CHD1L: variants seen among roughly 807,000 people sequenced by gnomAD.
CHD1L encodes the protein chromodomain helicase DNA binding protein 1 like.
A neutral mutation model predicts 115.9 loss-of-function variants in CHD1L; 118 were observed. That is an observed-to-expected ratio of 1.02 (90% CI 0.88 to 1.19). The LOEUF (loss-of-function observed/expected upper bound fraction) is 1.19, where lower values mean the gene tolerates loss of function less well. Among genes scored for constraint, CHD1L ranks in the 50% most tolerant of loss-of-function variants. CHD1L has a pLI of 0.00. For synonymous variants in CHD1L, 411 were observed against 387.1 expected, an observed-to-expected ratio of 1.06 and a Z score of -0.72; for missense variants, 1,179 against 1,065.3, an observed-to-expected ratio of 1.11 and a Z score of -1.49.
At chr1:147,274,593 G>A (rs188751297) in intron 12 of CHD1L, among the ~76,000 whole-genome samples, 20 of 151,564 alleles carry the variant, frequency 1.3e-4, no homozygotes, top group Non-Finnish European at 2.1e-4. Flanking sequence ...TAATCAAAGA[G>A]AAGGCTGCAA....
At chr1:147,274,997 G>C (rs1677784845) in intron 12 of CHD1L, among the ~76,000 whole-genome samples, 1 of 152,192 alleles carries the variant, frequency 6.6e-6, no homozygotes, top group South Asian at 2.1e-4. Flanking sequence ...TTCTGAAAGA[G>C]CATGTGTCCT....
intron 12 of CHD1L, among the ~76,000 whole-genome samples, chr1:147,274,529 A>G (rs1274448586): frequency 6.6e-6 from 1 of 152,166 alleles, no homozygotes; most frequent in Non-Finnish European, 1.5e-5. Context: ...TGTTTCAGCA[A>G]CCAGCTCTAA....
At chr1:147,220,089 C>T in the CHD1L span, among the ~76,000 whole-genome samples, 4 of 152,212 alleles carry the variant, frequency 2.6e-5, no homozygotes, top group South Asian at 2.1e-4. Context: ...CCACCCACCT[C>T]GGCCTCCCAA....
In CHD1L at chr1:147,294,403, T is replaced by C. The variant is rs1553974317; in HGVS notation, c.2507-6T>C. On this transcript the variant is annotated splice_polypyrimidine_tract_variant and splice_region_variant and intron_variant, in intron 21 of 22. Transcript: ENST00000369258. ...GTGAAGACATGTGTTCTTCTCTTCA[T>C]AATAGCAAGTGTTCATCTTCCACGT... The C allele has an allele frequency of 3.1e-6, 5 of 1,606,260 alleles. No homozygotes were observed. The highest frequency in any genetic ancestry group is 4.3e-6 in the Non-Finnish European group (5 of 1,175,680).
chr1:147,244,449 A>C (rs1283796174), intron 1 of CHD1L, among the ~76,000 whole-genome samples: 1 of 150,318 alleles, frequency 6.7e-6, no homozygotes, highest in Non-Finnish European at 1.5e-5. Context: ...GTTATGAGAA[A>C]CTATTCTTCA....
the CHD1L span, among the ~76,000 whole-genome samples, chr1:147,233,990 C>T: frequency 1.3e-5 from 2 of 152,160 alleles, no homozygotes; most frequent in African/African-American, 4.8e-5. Flanking sequence ...CTAGGAAAAC[C>T]AGAGACCTTT....
the CHD1L span, among the ~76,000 whole-genome samples, chr1:147,189,820 C>G: frequency 1.3e-5 from 2 of 152,298 alleles, no homozygotes; most frequent in Non-Finnish European, 2.9e-5. Context: ...ACCTCTCATT[C>G]ATTTACTGTC....
chr1:147,216,760 TTG>T, the CHD1L span, among the ~76,000 whole-genome samples: 1 of 150,272 alleles, frequency 6.7e-6, no homozygotes, highest in Admixed American at 6.6e-5. Flanking sequence ...CCTTGAGAGA[TTG>T]TGTTAGAAAT....
At chr1:147,206,237 G>A in the CHD1L span, among the ~76,000 whole-genome samples, 2 of 150,948 alleles carry the variant, frequency 1.3e-5, no homozygotes, top group Non-Finnish European at 2.9e-5. Context: ...ACACCAGTTA[G>A]AATGGCGATC....
intron 12 of CHD1L, among the ~76,000 whole-genome samples, chr1:147,273,780 CA>C (rs1395963145): frequency 6.6e-6 from 1 of 152,048 alleles, no homozygotes; most frequent in Non-Finnish European, 1.5e-5. Flanking sequence ...CAGTCCTGGA[CA>C]TTAGTCTTCT....
the CHD1L span, among the ~76,000 whole-genome samples, chr1:147,182,067 C>T: frequency 2.0e-5 from 3 of 152,156 alleles, no homozygotes; most frequent in Non-Finnish European, 2.9e-5. Flanking sequence ...GATCACATAA[C>T]TAAAAGGCCA....
At chr1:147,242,674 G>C (rs1665056602), upstream of CHD1L, 2 of 1,264,326 alleles carry the variant, frequency 1.6e-6, no homozygotes, top group Middle Eastern at 3.0e-4. Context: ...TGCGCGCTTG[G>C]CCGCGCGGGG....
chr1:147,294,401 C>T lies in CHD1L; in HGVS notation c.2507-8C>T. On this transcript the variant is annotated splice_polypyrimidine_tract_variant and splice_region_variant and intron_variant, in intron 21 of 22. Coordinates refer to ENST00000369258, the MANE Select transcript of CHD1L (RefSeq NM_004284.6). Reference sequence around the variant, plus strand: ...GAGTGAAGACATGTGTTCTTCTCTTCATAATAGCAAGTGTTCATCTTCCAC... The same window carrying T: ...GAGTGAAGACATGTGTTCTTCTCTTTATAATAGCAAGTGTTCATCTTCCAC... 6.2e-7 allele frequency: 1 copy of T among 1,604,512 alleles called. No homozygotes were observed. The highest frequency in any genetic ancestry group is 8.5e-7 in the Non-Finnish European group (1 of 1,174,470).
the CHD1L span, chr1:147,224,457 A>C: frequency 1.0e-4 from 16 of 159,466 alleles, no homozygotes; most frequent in Non-Finnish European, 1.8e-4. Context: ...GTCAGTTTGG[A>C]GATCAATAAA....
chr1:147,275,377 G>A lies in CHD1L; in HGVS notation c.1294G>A (p.Ala432Thr). The A allele has an allele frequency of 6.2e-7, 1 of 1,614,006 alleles. No homozygotes were observed. Among genetic ancestry groups the A allele is most frequent in the Non-Finnish European group, 8.5e-7 (1 of 1,179,862 alleles). Reference protein sequence around the residue: ...RAGGVGMNLTAADTVIFVDSD... With the variant: ...RAGGVGMNLTTADTVIFVDSD... ...AGGTGGAGTTGGCATGAACTTAACA[G>A]CAGCAGATACTGTGATTTTTGTTGA... The change falls in exon 13 of 23, where the codon GCA becomes ACA. Residue 432 changes from alanine to threonine, a missense_variant. Coordinates refer to ENST00000369258, the MANE Select transcript of CHD1L (RefSeq NM_004284.6).
chr1:147,187,125 C>T, the CHD1L span: 1 of 1,614,082 alleles, frequency 6.2e-7, no homozygotes, highest in Non-Finnish European at 8.5e-7. Flanking sequence ...AGTGTAATGC[C>T]AGCTTGGGGT....
At chr1:147,265,911 G>C (rs751481282) in intron 7 of CHD1L, 21 bp from the exon 8 acceptor site, 1 of 1,594,390 alleles carries the variant, frequency 6.3e-7, no homozygotes, top group Non-Finnish European at 8.5e-7. Flanking sequence ...CACACTTCTT[G>C]TATTTTTTTT....
In CHD1L at chr1:147,280,167, G is replaced by A; in HGVS notation, c.1681G>A (p.Gly561Arg). 6.2e-7 allele frequency: 1 copy of A among 1,608,772 alleles called. No individual in the cohort carries two copies. The highest frequency in any genetic ancestry group is 8.5e-7 in the Non-Finnish European group (1 of 1,177,636). The stretch of plus-strand genomic sequence containing the variant: ...TGATGCCTTGCCTGCAGCAGAAGGA[G>A]GGAGCAGAGATCAAGAGGAAGGAAG... ...VSDALPAAEG[G>R]SRDQEEGKNH... Residue 561 changes from glycine (G) to arginine (R), a missense_variant, in exon 15 of 23, where the codon GGG (glycine) becomes AGG (arginine). Transcript: ENST00000369258.
intron 1 of CHD1L, among the ~76,000 whole-genome samples, chr1:147,247,293 G>A (rs957967320): frequency 6.6e-6 from 1 of 151,778 alleles, no homozygotes; most frequent in Non-Finnish European, 1.5e-5. Context: ...TTGATCCCCA[G>A]TGTTGGAGGT....
Sources: allele counts gnomAD v4.1 joint callset (sites outside exome capture counted in the v4.1 genomes callset), GRCh38; gene constraint gnomAD v4.1.1; transcripts MANE v1.5; gene names NCBI Gene and HGNC (gene_info 2026-07-23, HGNC 2026-07-21).